Variants in LYPLA1 observed in about 807,000 individuals in gnomAD.
LYPLA1 encodes the protein lysophospholipase 1, also known as acyl-protein thioesterase 1.
LYPLA1 carries 17 observed loss-of-function variants against 34.0 expected under a neutral mutation model. That is an observed-to-expected ratio of 0.50 (90% CI 0.34 to 0.75). LYPLA1 has a LOEUF of 0.75. Ranked by LOEUF, LYPLA1 falls within the 30% of genes least tolerant of loss-of-function variation. LYPLA1 has a pLI of 0.01. For missense variants in LYPLA1, 203 were observed against 288.8 expected, an observed-to-expected ratio of 0.70 and a Z score of 2.15; for synonymous variants, 98 against 100.8, an observed-to-expected ratio of 0.97 and a Z score of 0.17.
chr8:54,072,496 G>T lies in LYPLA1; in HGVS notation c.102-6683C>A, dbSNP rs551832407. Among the ~76,000 whole-genome samples the T allele has an allele frequency of 3.8e-4, 58 of 152,156 alleles. No individual in the cohort carries two copies. The South Asian group carries it at 0.011, about 28-fold the overall frequency. ...TATGCAAACTGCGCACCCAACAAAG[G>T]TCTAATATCCAGAATCTATAAGGAA... is the stretch of plus-strand genomic sequence containing the variant. On this transcript the variant is annotated intron_variant, in intron 2 of 8. Transcript: ENST00000316963.
In LYPLA1 at chr8:54,100,876, T is replaced by C. The variant is rs370147043; in HGVS notation, c.101+32A>G. On this transcript the variant is annotated intron_variant, in intron 2 of 8. Coordinates refer to ENST00000316963, the MANE Select transcript of LYPLA1 (RefSeq NM_006330.4). The stretch of plus-strand genomic sequence containing the variant: ...ACAAAAGTTGCATGACCCAGTTTCA[T>C]TACTGTTACTATTAATAATAATGGT... 6 of 1,578,410 alleles carry C rather than the reference T, an allele frequency of 3.8e-6. No individual in the cohort carries two copies. In the African/African-American group the frequency reaches 8.1e-5, roughly 21 times the overall value.
downstream of LYPLA1, chr8:54,046,278 T>C (rs1373600887): frequency 1.3e-5 from 2 of 152,282 alleles, no homozygotes. Flanking sequence ...TCTGAATATA[T>C]ATTCTTTTAA....
intron 2 of LYPLA1, among the ~76,000 whole-genome samples, chr8:54,089,113 T>C (rs1429042926): frequency 6.6e-6 from 1 of 152,204 alleles, no homozygotes; most frequent in African/African-American, 2.4e-5. Context: ...ATGTTGAACA[T>C]ATTCTGGAAT....
chr8:54,057,520 G>A (rs1035129817), intron 5 of LYPLA1, among the ~76,000 whole-genome samples: 3 of 152,172 alleles, frequency 2.0e-5, no homozygotes, highest in Admixed American at 1.3e-4. Context: ...AACAACACAA[G>A]TGGAACTGGA....
intron 2 of LYPLA1, among the ~76,000 whole-genome samples, chr8:54,067,517 A>G (rs1586113211): frequency 6.6e-6 from 1 of 152,254 alleles, no homozygotes; most frequent in East Asian, 1.9e-4. Flanking sequence ...TTTCCCATGC[A>G]TGTCAATTAA....
chr8:54,065,931 T>G (rs558863804), intron 2 of LYPLA1, 118 bp from the exon 3 acceptor site: 167 of 667,802 alleles, frequency 2.5e-4, no homozygotes, highest in South Asian at 9.8e-4. Context: ...AAAAATATGG[T>G]TTTTTTTTGT....
rs1275350156 is a variant in LYPLA1, at chr8:54,101,869, C to G, written c.-46G>C. ...GCAAGCGGAAGGAAGAGCGGGCGCC[C>G]GGCCGCGGCCCAAGGGCGTGCGAGC... On this transcript the variant is annotated 5_prime_UTR_variant, in exon 1 of 9. Transcript: ENST00000316963. 21 of 1,167,172 alleles carry G rather than the reference C, an allele frequency of 1.8e-5. 1 individual carries two copies. In the Admixed American group the frequency reaches 9.4e-4, roughly 52 times the overall value. The allele number at this position is 1,167,172 out of a possible 1,614,324, so 72.3% of individuals were successfully genotyped here.
intron 2 of LYPLA1, among the ~76,000 whole-genome samples, chr8:54,093,527 C>T (rs1320244139): frequency 6.6e-6 from 1 of 152,122 alleles, no homozygotes; most frequent in Non-Finnish European, 1.5e-5. Flanking sequence ...ATGTATGTGG[C>T]CCTGTTGACA....
At chr8:54,068,351 A>G (rs1174806559) in intron 2 of LYPLA1, among the ~76,000 whole-genome samples, 1 of 152,212 alleles carries the variant, frequency 6.6e-6, no homozygotes, top group Non-Finnish European at 1.5e-5. Flanking sequence ...GACTTTGCAC[A>G]TATTAGAACC....
At chr8:54,080,082 C>G (rs962166025) in intron 2 of LYPLA1, among the ~76,000 whole-genome samples, 3 of 152,090 alleles carry the variant, frequency 2.0e-5, no homozygotes, top group African/African-American at 7.2e-5. Context: ...TAAAAAAAAT[C>G]ACACTTATAA....
intron 2 of LYPLA1, among the ~76,000 whole-genome samples, chr8:54,089,196 G>A (rs1462507917): frequency 6.6e-6 from 1 of 152,182 alleles, no homozygotes; most frequent in Non-Finnish European, 1.5e-5. Flanking sequence ...AAAGAGTGAA[G>A]TTTTTGGTAT....
intron 2 of LYPLA1, among the ~76,000 whole-genome samples, chr8:54,093,160 C>T (rs934780519): frequency 1.3e-5 from 2 of 152,120 alleles, no homozygotes; most frequent in Non-Finnish European, 2.9e-5. Flanking sequence ...CTGAGAATTA[C>T]GCAAATCTAC....
chr8:54,079,587 G>C (rs1808160947), intron 2 of LYPLA1, among the ~76,000 whole-genome samples: 1 of 152,092 alleles, frequency 6.6e-6, no homozygotes, highest in Non-Finnish European at 1.5e-5. Context: ...CGGATCATTT[G>C]AGTCCAGGAG....
chr8:54,090,612 A>T (rs1008680637), intron 2 of LYPLA1, among the ~76,000 whole-genome samples: 1 of 152,304 alleles, frequency 6.6e-6, no homozygotes, highest in Non-Finnish European at 1.5e-5. Context: ...AAATGCTGGT[A>T]TATCCAGTGC....
chr8:54,052,552 T>G (rs532567093), intron 7 of LYPLA1, 103 bp downstream of exon 7: 137 of 733,048 alleles, frequency 1.9e-4, no homozygotes, highest in Middle Eastern at 1.6e-3. Context: ...CTCCAAAAAA[T>G]AAAGTTTATT....
chr8:54,047,012 C>T lies in LYPLA1; in HGVS notation c.*1053G>A, dbSNP rs866012516. On this transcript the variant is annotated 3_prime_UTR_variant, in exon 9 of 9. Coordinates refer to ENST00000316963, the MANE Select transcript of LYPLA1 (RefSeq NM_006330.4). Reference sequence around the variant, plus strand: ...ATCTTCTACAGTAGTTGGTTTCAAACGTGTACAAAGTAAACTCTATACTAT... The same window carrying T: ...ATCTTCTACAGTAGTTGGTTTCAAATGTGTACAAAGTAAACTCTATACTAT... 7 of 152,070 alleles carry T rather than the reference C, an allele frequency of 4.6e-5. No homozygotes were observed. Among genetic ancestry groups the T allele is most frequent in the Admixed American group, 2.0e-4 (3 of 15,256 alleles). The allele number at this position is 152,070 out of a possible 1,614,324, so 9.4% of individuals were successfully genotyped here. A position where few individuals can be genotyped will look rare whatever the true frequency, so the allele number is the denominator to read the frequency against.
At chr8:54,100,623 C>T in intron 2 of LYPLA1, 1 of 400,544 alleles carries the variant, frequency 2.5e-6, no homozygotes, top group Non-Finnish European at 4.5e-6. Flanking sequence ...ACCGTCCCTA[C>T]TAACATTCCA....
intron 5 of LYPLA1, 146 bp downstream of exon 5, chr8:54,062,108 T>A: frequency 1.8e-6 from 1 of 567,502 alleles, no homozygotes; most frequent in Non-Finnish European, 3.1e-6. Context: ...CCCACCCGCC[T>A]CTACTTCCCA....
rs145304617 is a variant in LYPLA1 at position 54,055,099 on chromosome 8, G to A, written c.321C>T (p.Gly107=). ...CCAAAATAATTCTGTTAGAAGGAAT[G>A]CCATTCTTCACTTCTTGATCAATCA... ...KALIDQEVKN[G]IPSNRIILGG... The change falls in exon 6 of 9, where the codon GGC becomes GGT. Residue 107 remains glycine, a synonymous_variant. Transcript: ENST00000316963. 1.2e-6 allele frequency: 2 copies of A among 1,610,078 alleles called. No homozygotes were observed. Among genetic ancestry groups the A allele is most frequent in the African/African-American group, 1.3e-5 (1 of 74,922 alleles).
Sources: gnomAD v4.1 joint callset for allele counts (sites outside exome capture counted in the v4.1 genomes callset) on GRCh38, gnomAD v4.1.1 for gene constraint, MANE v1.5 for transcripts, NCBI Gene and HGNC (gene_info 2026-07-23, HGNC 2026-07-21) for gene names.